Variants in SHOC2 observed in about 807,000 individuals in gnomAD.
SHOC2 encodes the protein leucine-rich repeat protein SHOC-2.
SHOC2 carries 4 observed loss-of-function variants against 50.2 expected under a neutral mutation model. That is an observed-to-expected ratio of 0.08 (90% CI 0.04 to 0.18). SHOC2 has a LOEUF of 0.18. Ranked by LOEUF, SHOC2 falls within the 10% of genes least tolerant of loss-of-function variation. SHOC2 has a pLI of 1.00. For missense variants in SHOC2, 388 were observed against 669.6 expected, an observed-to-expected ratio of 0.58 and a Z score of 4.64; for synonymous variants, 218 against 244.5, an observed-to-expected ratio of 0.89 and a Z score of 1.01.
intron 1 of SHOC2, among the ~76,000 whole-genome samples, chr10:110,953,472 T>C (rs1363913247): frequency 1.3e-5 from 2 of 152,044 alleles, no homozygotes; most frequent in South Asian, 2.1e-4. Flanking sequence ...TGATAGCTTA[T>C]TTCATTTTAG....
chr10:110,919,384 G>GGA (rs1039049222), upstream of SHOC2: 62 of 389,380 alleles, frequency 1.6e-4, no homozygotes, highest in Non-Finnish European at 2.1e-4. Context: ...GGACAAGGGC[G>GGA]GAGAGAGAGA....
chr10:110,928,719 A>T (rs142573530), intron 1 of SHOC2, among the ~76,000 whole-genome samples: 29 of 152,134 alleles, frequency 1.9e-4, no homozygotes, highest in African/African-American at 6.5e-4. Flanking sequence ...GCATGGTGAA[A>T]CCCCGTCTCT....
At chr10:110,991,483 T>C (rs1336680747) in intron 3 of SHOC2, among the ~76,000 whole-genome samples, 2 of 152,208 alleles carry the variant, frequency 1.3e-5, no homozygotes, top group African/African-American at 4.8e-5. Context: ...TTAAATAACA[T>C]TGCATTTACT....
intron 1 of SHOC2, among the ~76,000 whole-genome samples, chr10:110,952,523 C>A (rs550705743): frequency 1.3e-5 from 2 of 152,040 alleles, no homozygotes; most frequent in African/African-American, 4.8e-5. Flanking sequence ...ATCCCTCACT[C>A]CCCCAACCCC....
intron 1 of SHOC2, among the ~76,000 whole-genome samples, chr10:110,944,986 TC>T (rs1847220168): frequency 1.3e-5 from 2 of 152,182 alleles, no homozygotes; most frequent in Non-Finnish European, 1.5e-5. Context: ...TTTCAGGTCT[TC>T]CTTGAGCATG....
At chr10:110,981,817 C>A (rs573171830) in intron 2 of SHOC2, among the ~76,000 whole-genome samples, 14 of 148,784 alleles carry the variant, frequency 9.4e-5, no homozygotes, top group African/African-American at 2.7e-4. Flanking sequence ...ATGTATAATC[C>A]CTTTTATATT....
At chr10:110,960,394 G>A (rs11195391) in intron 1 of SHOC2, among the ~76,000 whole-genome samples, 7,894 of 152,198 alleles carry the variant, frequency 0.052, 209 homozygotes, top group Middle Eastern at 0.088. Context: ...AATCACCACC[G>A]TCATATAGTC....
intron 3 of SHOC2, among the ~76,000 whole-genome samples, chr10:110,999,918 T>C (rs1848338969): frequency 6.6e-6 from 1 of 152,070 alleles, no homozygotes; most frequent in Non-Finnish European, 1.5e-5. Flanking sequence ...AGGCCAAGTT[T>C]TCAGTATGGA....
intron 1 of SHOC2, among the ~76,000 whole-genome samples, chr10:110,934,741 G>C (rs1846969217): frequency 6.6e-6 from 1 of 151,988 alleles, no homozygotes; most frequent in Non-Finnish European, 1.5e-5. Flanking sequence ...CTATTTGTAT[G>C]ACCCTTGAAT....
At chr10:110,990,807 G>A (rs1486800740) in intron 3 of SHOC2, among the ~76,000 whole-genome samples, 1 of 151,930 alleles carries the variant, frequency 6.6e-6, no homozygotes, top group African/African-American at 2.4e-5. Context: ...TTACTCTACT[G>A]CAAATCAGAC....
intron 2 of SHOC2, among the ~76,000 whole-genome samples, chr10:110,976,397 G>A (rs1847879243): frequency 6.7e-6 from 1 of 150,338 alleles, no homozygotes; most frequent in Non-Finnish European, 1.5e-5. Context: ...CTGCAGCCTC[G>A]ACCTCCTGGG....
intron 2 of SHOC2, among the ~76,000 whole-genome samples, chr10:110,982,317 C>T (rs993471591): frequency 2.3e-4 from 34 of 150,936 alleles, no homozygotes; most frequent in Admixed American, 5.3e-4. Context: ...AATAAACATA[C>T]GTGTGCATGT....
intron 1 of SHOC2, among the ~76,000 whole-genome samples, chr10:110,925,094 T>TAAAAAAAA (rs1554853396): frequency 8.4e-6 from 1 of 118,880 alleles, no homozygotes; most frequent in Non-Finnish European, 2.0e-5. Flanking sequence ...AAAAAAAAAT[T>TAAAAAAAA]AAAATAAAAA....
chr10:110,995,069 G>T (rs1285986854), intron 3 of SHOC2, among the ~76,000 whole-genome samples: 2 of 152,080 alleles, frequency 1.3e-5, no homozygotes, highest in Non-Finnish European at 2.9e-5. Flanking sequence ...GATTTTTATG[G>T]GCCTTTCATA....
chr10:110,924,915 C>G (rs1846727538), intron 1 of SHOC2, among the ~76,000 whole-genome samples: 1 of 151,442 alleles, frequency 6.6e-6, no homozygotes, highest in Non-Finnish European at 1.5e-5. Flanking sequence ...ACTAAAAATA[C>G]AAAAAATTAG....
In SHOC2 at chr10:111,007,754, A is replaced by G. The variant is rs186777421; in HGVS notation, c.1284+101A>G. 56 of 1,174,288 alleles carry G rather than the reference A, an allele frequency of 4.8e-5. No homozygotes were observed. The East Asian group carries it at 1.2e-3, about 26-fold the overall frequency. 72.7% of individuals were successfully genotyped at this position (1,174,288 alleles called of 1,614,324 possible). A position where few individuals can be genotyped will look rare whatever the true frequency, so the allele number is the denominator to read the frequency against. On this transcript the variant is annotated intron_variant, in intron 6 of 8. Transcript: ENST00000369452. ...AGCAATTTCTATTTGGGTGAATGTCATAATTAGAAATGTTAGAACTCACTT... is the reference window on the plus strand; with the variant it reads ...AGCAATTTCTATTTGGGTGAATGTCGTAATTAGAAATGTTAGAACTCACTT...
At chr10:110,943,744 T>G (rs1405847513) in intron 1 of SHOC2, among the ~76,000 whole-genome samples, 1 of 152,204 alleles carries the variant, frequency 6.6e-6, no homozygotes, top group Non-Finnish European at 1.5e-5. Flanking sequence ...AGTGAGTAAC[T>G]TGTGTTTGTC....
chr10:110,958,088 A>G (rs17128195), intron 1 of SHOC2, among the ~76,000 whole-genome samples: 3,565 of 152,326 alleles, frequency 0.023, 102 homozygotes, highest in East Asian at 0.14. Flanking sequence ...AGTATGCTAC[A>G]TATTTTTGAC....
At chr10:110,946,517 A>G (rs538090665) in intron 1 of SHOC2, among the ~76,000 whole-genome samples, 1 of 151,924 alleles carries the variant, frequency 6.6e-6, no homozygotes, top group African/African-American at 2.4e-5. Context: ...TGTTGTGAAG[A>G]AAAATAAAGC....
Sources: gnomAD v4.1 joint callset for allele counts (sites outside exome capture counted in the v4.1 genomes callset) on GRCh38, gnomAD v4.1.1 for gene constraint, MANE v1.5 for transcripts, NCBI Gene and HGNC (gene_info 2026-07-23, HGNC 2026-07-21) for gene names.